Variants in CEP128 observed in about 807,000 individuals in gnomAD.
The protein encoded by CEP128 is centrosomal protein 128.
A neutral mutation model predicts 156.7 loss-of-function variants in CEP128; 132 were observed. The ratio of observed to expected loss-of-function variants is 0.84; its 90% CI spans 0.73 to 0.97. CEP128 has a LOEUF of 0.97. CEP128 is among the 50% of genes least tolerant of loss of function. The pLI, the probability that CEP128 is intolerant of heterozygous loss-of-function variation, is 0.00. For synonymous variants in CEP128, 469 were observed against 448.9 expected (o/e 1.04, Z -0.57); for missense variants, 1,252 against 1,281.9 (o/e 0.98, Z 0.36).
chr14:80,761,178 G>T (rs1000581032), intron 17 of CEP128, among the ~76,000 whole-genome samples: 1 of 151,410 alleles, frequency 6.6e-6, no homozygotes, highest in Non-Finnish European at 1.5e-5. Flanking sequence ...GACTCCAAGG[G>T]CTACCTCTCT....
intron 21 of CEP128, among the ~76,000 whole-genome samples, chr14:80,555,035 C>T (rs1890370736): frequency 6.6e-6 from 1 of 152,116 alleles, no homozygotes; most frequent in East Asian, 1.9e-4. Flanking sequence ...TATAAAAGAT[C>T]CCTGATGTAA....
intron 13 of CEP128, among the ~76,000 whole-genome samples, chr14:80,821,679 A>AT (rs540217060): frequency 0.014 from 1,992 of 143,302 alleles, 27 homozygotes; most frequent in Non-Finnish European, 0.021. Context: ...GCCCCATTTA[A>AT]TTTTTTTTTT....
At position 80,656,311 on chromosome 14, in the gene CEP128, A is replaced by ATTT. The variant is rs1216993570; in HGVS notation, c.2807-75889_2807-75888insAAA. On this transcript the variant is annotated intron_variant, in intron 19 of 24. Coordinates refer to ENST00000555265, the MANE Select transcript of CEP128 (RefSeq NM_152446.5). ...TATATTTATATATATATATATATAT[A>ATTT]TATATATATATATATATATATATAT... is the stretch of plus-strand genomic sequence containing the variant. Among the ~76,000 whole-genome samples, 7 of 16,338 alleles carry ATTT rather than the reference A, an allele frequency of 4.3e-4. 1 individual carries two copies. The highest frequency in any genetic ancestry group is 8.9e-4 in the Non-Finnish European group (7 of 7,878). The allele number at this position is 16,338 out of a possible 152,430, so 10.7% of individuals were successfully genotyped here. A position where few individuals can be genotyped will look rare whatever the true frequency, so the allele number is the denominator to read the frequency against.
At chr14:80,596,389 C>A (rs1566801314) in intron 19 of CEP128, among the ~76,000 whole-genome samples, 1 of 151,948 alleles carries the variant, frequency 6.6e-6, no homozygotes, top group Non-Finnish European at 1.5e-5. Context: ...AGAAAACCAT[C>A]AAGAATATGT....
intron 15 of CEP128, among the ~76,000 whole-genome samples, chr14:80,783,248 A>T (rs73344625): frequency 0.077 from 11,747 of 152,232 alleles, 501 homozygotes; most frequent in African/African-American, 0.11. Flanking sequence ...TGGCAATAGT[A>T]TCATTATCCA....
At chr14:80,939,928 T>C (rs1886054660) in intron 1 of CEP128, among the ~76,000 whole-genome samples, 2 of 152,226 alleles carry the variant, frequency 1.3e-5, no homozygotes, top group Non-Finnish European at 2.9e-5. Flanking sequence ...TCCAAGCCAG[T>C]CTAACACTCC....
At chr14:80,615,841 T>C (rs1893186740) in intron 19 of CEP128, among the ~76,000 whole-genome samples, 1 of 149,202 alleles carries the variant, frequency 6.7e-6, no homozygotes, top group Admixed American at 6.7e-5. Context: ...AGAGTAAAAC[T>C]CCATCTCAAA....
chr14:80,951,782 T>G (rs1016249810), intron 2 of CEP128, among the ~76,000 whole-genome samples: 3 of 151,650 alleles, frequency 2.0e-5, no homozygotes, highest in Non-Finnish European at 2.9e-5. Flanking sequence ...ATATAAAAAC[T>G]CAAAGAGGTT....
chr14:80,492,145 C>G (rs983115561), downstream of CEP128, among the ~76,000 whole-genome samples: 1 of 152,158 alleles, frequency 6.6e-6, no homozygotes, highest in African/African-American at 2.4e-5. Context: ...AATTTTAAAA[C>G]AGATGTGCAA....
At chr14:80,703,014 TG>T (rs893931373) in intron 19 of CEP128, among the ~76,000 whole-genome samples, 5 of 152,144 alleles carry the variant, frequency 3.3e-5, no homozygotes, top group Admixed American at 1.3e-4. Context: ...ACTATTTTTA[TG>T]GTAAATTTGG....
chr14:80,907,205 T>A (rs778802566), intron 4 of CEP128, among the ~76,000 whole-genome samples: 6 of 152,004 alleles, frequency 3.9e-5, no homozygotes, highest in Non-Finnish European at 8.8e-5. Context: ...ATTGAAACAA[T>A]CTGTATTAAA....
chr14:80,622,656 A>G (rs1404137727), intron 19 of CEP128, among the ~76,000 whole-genome samples: 1 of 150,314 alleles, frequency 6.7e-6, no homozygotes, highest in Non-Finnish European at 1.5e-5. Context: ...AAGGACATGA[A>G]CAGACACTTC....
intron 5 of CEP128, 150 bp from the exon 6 acceptor site, chr14:80,905,081 T>C (rs913750667): frequency 5.3e-6 from 3 of 562,304 alleles, no homozygotes; most frequent in Non-Finnish European, 9.6e-6. Context: ...GCTATGGCCA[T>C]AAAGTTCCAC....
intron 8 of CEP128, among the ~76,000 whole-genome samples, chr14:80,882,166 T>A (rs1460079619): frequency 6.6e-6 from 1 of 151,774 alleles, no homozygotes; most frequent in East Asian, 1.9e-4. Context: ...TGACAAAAAA[T>A]ATTCATCTGA....
chr14:80,795,489 C>G (rs1883409785), intron 13 of CEP128, among the ~76,000 whole-genome samples: 1 of 152,186 alleles, frequency 6.6e-6, no homozygotes, highest in African/African-American at 2.4e-5. Flanking sequence ...TGTTCATTCA[C>G]TGAACATAAA....
intron 23 of CEP128, among the ~76,000 whole-genome samples, chr14:80,506,314 C>G (rs1887968016): frequency 6.8e-6 from 1 of 147,654 alleles, no homozygotes. Flanking sequence ...AGGTCCAGGG[C>G]CATGCTCAGG....
At chr14:80,944,927 T>G (rs575106524), upstream of CEP128, among the ~76,000 whole-genome samples, 1 of 148,280 alleles carries the variant, frequency 6.7e-6, no homozygotes, top group Non-Finnish European at 1.5e-5. Flanking sequence ...TCACAGGTAG[T>G]TCTTCATAGC....
At chr14:80,776,261 T>C (rs368319947) in intron 16 of CEP128, among the ~76,000 whole-genome samples, 9 of 152,042 alleles carry the variant, frequency 5.9e-5, no homozygotes, top group African/African-American at 2.2e-4. Context: ...TTTGAAAAAG[T>C]TGAAAAATTT....
At chr14:80,508,174 C>T (rs753585716) in intron 23 of CEP128, among the ~76,000 whole-genome samples, 1 of 152,128 alleles carries the variant, frequency 6.6e-6, no homozygotes, top group Non-Finnish European at 1.5e-5. Flanking sequence ...CCTTGGCCCC[C>T]CAAAGTGCTG....
Sources: allele counts gnomAD v4.1 joint callset (sites outside exome capture counted in the v4.1 genomes callset), GRCh38; gene constraint gnomAD v4.1.1; transcripts MANE v1.5; gene names NCBI Gene and HGNC (gene_info 2026-07-23, HGNC 2026-07-21).